The following LRRTM4 variants were observed in gnomAD, a reference collection of about 807,000 sequenced individuals.
LRRTM4 encodes the protein leucine-rich repeat transmembrane neuronal protein 4.
LRRTM4 carries 25 observed loss-of-function variants against 47.6 expected under a neutral mutation model. That is an observed-to-expected ratio of 0.53 (90% CI 0.38 to 0.73). The LOEUF (loss-of-function observed/expected upper bound fraction) is 0.73, where lower values mean the gene tolerates loss of function less well. Ranked by LOEUF, LRRTM4 falls within the 30% of genes least tolerant of loss-of-function variation. The pLI is 0.00. For missense variants in LRRTM4, 638 were observed against 713.4 expected, an observed-to-expected ratio of 0.89 and a Z score of 1.20; for synonymous variants, 311 against 269.5, an observed-to-expected ratio of 1.15 and a Z score of -1.51.
rs138192949 is a variant in LRRTM4 at position 76,748,794 on chromosome 2, G to T, written c.1674C>A (p.Asp558Glu). 3.7e-6 allele frequency: 6 copies of T among 1,614,020 alleles called. No individual in the cohort carries two copies. Among genetic ancestry groups the T allele is most frequent in the Non-Finnish European group, 5.1e-6 (6 of 1,179,910 alleles). ...KGYETVSPEQ[D>E]ESPGLELGRD... is the part of the protein sequence containing the mutation. ...GGCCCAGCTCCAGGCCGGGGCTTTC[G>T]TCCTGCTCTGGAGACACTGTCTCAT... Residue 558 changes from aspartate (D) to glutamate (E), a missense_variant, in exon 4 of 4, where the codon GAC becomes GAA. Coordinates refer to ENST00000409884, the MANE Select transcript of LRRTM4 (RefSeq NM_001134745.3).
chr2:76,954,949 C>G (rs1675623702), intron 3 of LRRTM4, among the ~76,000 whole-genome samples: 1 of 151,554 alleles, frequency 6.6e-6, no homozygotes, highest in Admixed American at 6.6e-5. Context: ...AAAAAAACCG[C>G]CAGCCATAAC....
chr2:76,862,868 T>G (rs1672358950), intron 3 of LRRTM4, among the ~76,000 whole-genome samples: 1 of 152,200 alleles, frequency 6.6e-6, no homozygotes, highest in Admixed American at 6.6e-5. Flanking sequence ...AGTGACAAGA[T>G]GTATTCTTAT....
At chr2:77,121,244 G>C (rs1671514004) in intron 3 of LRRTM4, among the ~76,000 whole-genome samples, 1 of 151,662 alleles carries the variant, frequency 6.6e-6, no homozygotes, top group South Asian at 2.1e-4. Flanking sequence ...ATCTGGATTT[G>C]AAAGACAAAA....
intron 3 of LRRTM4, among the ~76,000 whole-genome samples, chr2:77,236,272 G>A (rs1381867678): frequency 6.6e-6 from 1 of 151,850 alleles, no homozygotes. Flanking sequence ...ACTTTTGTGT[G>A]GCTATTGTAA....
At chr2:76,989,609 C>G (rs1343151316) in intron 3 of LRRTM4, among the ~76,000 whole-genome samples, 1 of 151,718 alleles carries the variant, frequency 6.6e-6, no homozygotes, top group Non-Finnish European at 1.5e-5. Flanking sequence ...GAATAGTTAG[C>G]CTGTCCAAGG....
intron 3 of LRRTM4, among the ~76,000 whole-genome samples, chr2:77,007,601 T>A (rs1002651846): frequency 2.6e-5 from 4 of 152,178 alleles, no homozygotes; most frequent in African/African-American, 9.7e-5. Context: ...AATGGCAACA[T>A]AGGTTTGTTA....
intron 3 of LRRTM4, among the ~76,000 whole-genome samples, chr2:76,806,587 AT>A (rs988482288): frequency 1.2e-4 from 17 of 137,906 alleles, no homozygotes; most frequent in African/African-American, 3.7e-4. Context: ...GTCTCAAAAC[AT>A]TTTTTTTAAA....
rs17013937 is a variant in LRRTM4, at chr2:77,299,097, C to T, written c.1551+219221G>A. 8.7e-3 allele frequency among the ~76,000 whole-genome samples: 1,329 copies of T among 151,960 alleles called. 13 individuals carry two copies. Among genetic ancestry groups the T allele is most frequent in the African/African-American group, 0.031 (1,274 of 41,426 alleles). On this transcript the variant is annotated intron_variant, in intron 3 of 3. Transcript: ENST00000409884. ...AGACACAGGGAGATTCCTTTCTGAC[C>T]AAAGTATCAACTAAGAGCACAAATA...
chr2:77,017,910 G>C (rs934381160), intron 3 of LRRTM4, among the ~76,000 whole-genome samples: 7 of 137,618 alleles, frequency 5.1e-5, no homozygotes, highest in African/African-American at 1.9e-4. Context: ...TTTAAAACAG[G>C]AAGTGTTAGC....
At chr2:77,386,449 C>T (rs927131801) in intron 3 of LRRTM4, among the ~76,000 whole-genome samples, 1 of 152,076 alleles carries the variant, frequency 6.6e-6, no homozygotes, top group Non-Finnish European at 1.5e-5. Flanking sequence ...GACATAAACT[C>T]ATTATTTTTT....
chr2:77,244,390 G>A (rs912748623), intron 3 of LRRTM4, among the ~76,000 whole-genome samples: 1 of 151,970 alleles, frequency 6.6e-6, no homozygotes, highest in Non-Finnish European at 1.5e-5. Context: ...CCCACCAACA[G>A]TGTAAAGCAT....
intron 3 of LRRTM4, among the ~76,000 whole-genome samples, chr2:77,315,936 G>A (rs1293809547): frequency 2.6e-5 from 4 of 152,052 alleles, no homozygotes; most frequent in Admixed American, 2.6e-4. Context: ...TTTTCCTTTG[G>A]GCAAAGTAAT....
At chr2:76,799,933 C>T (rs1359386610) in intron 3 of LRRTM4, among the ~76,000 whole-genome samples, 4 of 150,968 alleles carry the variant, frequency 2.6e-5, no homozygotes, top group East Asian at 1.9e-4. Flanking sequence ...CTACAAACCA[C>T]TGCTCAAGGA....
chr2:76,874,588 A>T (rs1672726470), intron 3 of LRRTM4, among the ~76,000 whole-genome samples: 1 of 151,248 alleles, frequency 6.6e-6, no homozygotes, highest in South Asian at 2.1e-4. Flanking sequence ...TATCACATGA[A>T]GGGACCACTG....
chr2:76,752,621 T>G (rs928995526), intron 3 of LRRTM4, among the ~76,000 whole-genome samples: 2 of 144,592 alleles, frequency 1.4e-5, no homozygotes, highest in South Asian at 2.1e-4. Flanking sequence ...AAATATTTGC[T>G]CTTTTACTCT....
chr2:76,763,070 G>T (rs1016924627), intron 3 of LRRTM4, among the ~76,000 whole-genome samples: 3 of 152,122 alleles, frequency 2.0e-5, no homozygotes, highest in South Asian at 4.1e-4. Flanking sequence ...TATCGCCTAG[G>T]ATTGAGGAGG....
intron 3 of LRRTM4, among the ~76,000 whole-genome samples, chr2:77,457,048 A>G (rs1179074541): frequency 0.056 from 809 of 14,466 alleles, 12 homozygotes; most frequent in Middle Eastern, 0.17. Flanking sequence ...ATATATATAT[A>G]TATGTATAAC....
chr2:77,111,839 A>T (rs1363636589), intron 3 of LRRTM4, among the ~76,000 whole-genome samples: 1 of 152,194 alleles, frequency 6.6e-6, no homozygotes, highest in Non-Finnish European at 1.5e-5. Context: ...GAAGAAAAAA[A>T]AATTGTATGC....
chr2:76,771,312 G>T (rs962357170), intron 3 of LRRTM4, among the ~76,000 whole-genome samples: 16 of 152,120 alleles, frequency 1.1e-4, no homozygotes, highest in African/African-American at 3.4e-4. Flanking sequence ...GACCTTAGAG[G>T]GTTTCGGTGA....
Sources: gnomAD v4.1 joint callset for allele counts (sites outside exome capture counted in the v4.1 genomes callset) on GRCh38, gnomAD v4.1.1 for gene constraint, MANE v1.5 for transcripts, NCBI Gene and HGNC (gene_info 2026-07-23, HGNC 2026-07-21) for gene names.